Variants in UNC5D observed in about 807,000 individuals in gnomAD.
The protein encoded by UNC5D is netrin receptor UNC5D.
UNC5D carries 39 observed loss-of-function variants against 105.4 expected under a neutral mutation model. The ratio of observed to expected loss-of-function variants is 0.37; its 90% CI spans 0.29 to 0.48. UNC5D has a LOEUF of 0.48. UNC5D is among the 20% of genes least tolerant of loss of function. The pLI is 0.98. For missense variants in UNC5D, 991 were observed against 1,202.4 expected (o/e 0.82, Z 2.60); for synonymous variants, 452 against 450.4 (o/e 1.00, Z -0.04).
chr8:35,630,246 T>C (rs1374721948), intron 4 of UNC5D, among the ~76,000 whole-genome samples: 4 of 152,236 alleles, frequency 2.6e-5, no homozygotes. Flanking sequence ...TTCAGCAACT[T>C]GGGCCATATA....
chr8:35,718,143 A>G (rs1437466072), intron 8 of UNC5D, among the ~76,000 whole-genome samples: 2 of 151,092 alleles, frequency 1.3e-5, no homozygotes. Flanking sequence ...AATTTTTTCT[A>G]CCACCTGGTG....
At chr8:35,708,029 C>T (rs1243868438) in intron 8 of UNC5D, among the ~76,000 whole-genome samples, 5 of 152,142 alleles carry the variant, frequency 3.3e-5, no homozygotes, top group East Asian at 3.9e-4. Flanking sequence ...TGCAGTTGTT[C>T]AGTGAAAGAG....
Position 35,246,701 on chromosome 8 carries a change from C to G in UNC5D, c.103+10814C>G, listed in dbSNP as rs1235244173. ...AGCAAAACTCACAAGATATGGCACT[C>G]GGCCCTCCAGTTTGTCTCAAATCAA... On this transcript the variant is annotated intron_variant, in intron 1 of 16. Transcript: ENST00000404895. 2.6e-5 allele frequency among the ~76,000 whole-genome samples: 4 copies of G among 152,110 alleles called. 1 individual carries two copies. Among genetic ancestry groups the G allele is most frequent in the South Asian group, 4.1e-4 (2 of 4,832 alleles).
intron 3 of UNC5D, among the ~76,000 whole-genome samples, chr8:35,582,557 G>T (rs1412767104): frequency 6.6e-6 from 1 of 152,074 alleles, no homozygotes; most frequent in Non-Finnish European, 1.5e-5. Context: ...GATATTTAGT[G>T]GCATATCCAG....
At chr8:35,535,115 A>G (rs1230453722) in intron 1 of UNC5D, among the ~76,000 whole-genome samples, 3 of 152,200 alleles carry the variant, frequency 2.0e-5, no homozygotes, top group East Asian at 1.9e-4. Flanking sequence ...CTGGGTGCCA[A>G]CAAAATTAAG....
chr8:35,516,153 A>T (rs1165950515), intron 1 of UNC5D, among the ~76,000 whole-genome samples: 1 of 152,168 alleles, frequency 6.6e-6, no homozygotes, highest in Non-Finnish European at 1.5e-5. Context: ...AAAGGCTTTC[A>T]TGATATATGC....
In UNC5D at chr8:35,790,753, T is replaced by G; in HGVS notation, c.*190T>G. 1 of 629,116 alleles carries G rather than the reference T, an allele frequency of 1.6e-6. No individual in the cohort carries two copies. Among genetic ancestry groups the G allele is most frequent in the South Asian group, 2.0e-5 (1 of 50,346 alleles). 39.0% of individuals were successfully genotyped at this position (629,116 alleles called of 1,614,324 possible). On this transcript the variant is annotated 3_prime_UTR_variant, in exon 17 of 17. Transcript: ENST00000404895. ...TTAATAGGGAAGAGTACAAGCTCTC[T>G]TACATATAAGAGGGCTCTACTATCT...
intron 2 of UNC5D, among the ~76,000 whole-genome samples, chr8:35,551,807 A>C (rs1411149071): frequency 2.7e-5 from 4 of 149,762 alleles, no homozygotes; most frequent in Admixed American, 2.0e-4. Context: ...ACAGAGCAAG[A>C]CTCCGTCTAA....
intron 2 of UNC5D, among the ~76,000 whole-genome samples, chr8:35,559,684 C>G (rs1190011901): frequency 6.6e-6 from 1 of 152,174 alleles, no homozygotes; most frequent in Non-Finnish European, 1.5e-5. Context: ...GACCATCACC[C>G]TTTTATTTAA....
intron 1 of UNC5D, among the ~76,000 whole-genome samples, chr8:35,497,788 G>A (rs1354832486): frequency 2.0e-5 from 3 of 152,064 alleles, no homozygotes; most frequent in African/African-American, 2.4e-5. Flanking sequence ...GAGGAAAATC[G>A]GCTGGGCATG....
At chr8:35,449,618 G>A (rs746406211) in intron 1 of UNC5D, among the ~76,000 whole-genome samples, 11 of 152,104 alleles carry the variant, frequency 7.2e-5, no homozygotes, top group Non-Finnish European at 1.0e-4. Context: ...TTGGGAAATG[G>A]AATTTCACTT....
At chr8:35,497,895 C>A (rs543984894) in intron 1 of UNC5D, among the ~76,000 whole-genome samples, 1 of 151,748 alleles carries the variant, frequency 6.6e-6, no homozygotes, top group African/African-American at 2.4e-5. Flanking sequence ...CATGGAGAAA[C>A]CCCGTCTCTG....
At chr8:35,723,203 C>T (rs1828676136) in intron 9 of UNC5D, among the ~76,000 whole-genome samples, 1 of 152,102 alleles carries the variant, frequency 6.6e-6, no homozygotes, top group African/African-American at 2.4e-5. Context: ...AGCGCGGAAC[C>T]AGAAGTCTCA....
intron 3 of UNC5D, among the ~76,000 whole-genome samples, chr8:35,595,027 G>A (rs1819401217): frequency 6.6e-6 from 1 of 152,200 alleles, no homozygotes; most frequent in African/African-American, 2.4e-5. Context: ...TGTTGTGGTT[G>A]AATGTTGCCC....
intron 14 of UNC5D, among the ~76,000 whole-genome samples, chr8:35,762,787 AAGCC>A (rs1443355457): frequency 6.6e-6 from 1 of 152,190 alleles, no homozygotes; most frequent in African/African-American, 2.4e-5. Flanking sequence ...TTATTTTTAA[AAGCC>A]AACAAAACAC....
intron 1 of UNC5D, among the ~76,000 whole-genome samples, chr8:35,283,403 A>G (rs1806342429): frequency 2.0e-5 from 3 of 152,168 alleles, no homozygotes; most frequent in South Asian, 2.1e-4. Flanking sequence ...GAGGCACGTC[A>G]TGTCACATTA....
At chr8:35,533,596 CTT>C (rs1339605103) in intron 1 of UNC5D, among the ~76,000 whole-genome samples, 2 of 152,362 alleles carry the variant, frequency 1.3e-5, no homozygotes, top group Admixed American at 1.3e-4. Context: ...TTCCTGGCTG[CTT>C]TGTTTACCTA....
intron 2 of UNC5D, among the ~76,000 whole-genome samples, chr8:35,553,912 C>A (rs1392998554): frequency 2.0e-5 from 3 of 152,178 alleles, no homozygotes; most frequent in Non-Finnish European, 4.4e-5. Context: ...AAGCCAAGGA[C>A]GGTGGGACCA....
intron 1 of UNC5D, among the ~76,000 whole-genome samples, chr8:35,298,047 C>A (rs1807632950): frequency 6.6e-6 from 1 of 152,148 alleles, no homozygotes. Context: ...TTGCAGGAGT[C>A]CTGTCTGCAG....
Sources: gnomAD v4.1 joint callset for allele counts (sites outside exome capture counted in the v4.1 genomes callset) on GRCh38, gnomAD v4.1.1 for gene constraint, MANE v1.5 for transcripts, NCBI Gene and HGNC (gene_info 2026-07-23, HGNC 2026-07-21) for gene names.